DOCK10: variants seen among roughly 807,000 people sequenced by gnomAD.
DOCK10 encodes dedicator of cytokinesis protein 10.
In DOCK10, 145 loss-of-function variants were observed where a neutral mutation model predicts 280.1. The ratio of observed to expected loss-of-function variants is 0.52; its 90% CI spans 0.45 to 0.59. The LOEUF is 0.59. Ranked by LOEUF, DOCK10 falls within the 20% of genes least tolerant of loss-of-function variation. DOCK10 has a pLI of 0.00. For missense variants in DOCK10, 2,368 were observed against 2,651.7 expected, an observed-to-expected ratio of 0.89 and a Z score of 2.35; for synonymous variants, 915 against 942.2, an observed-to-expected ratio of 0.97 and a Z score of 0.53.
intron 4 of DOCK10, chr2:224,893,362 G>T (rs1699814748): frequency 6.0e-6 from 1 of 165,746 alleles, no homozygotes; most frequent in East Asian, 1.9e-4. Context: ...GCCCAGCTAA[G>T]CTGGTCACAC....
chr2:224,858,020 A>T (rs1697258335), intron 14 of DOCK10, among the ~76,000 whole-genome samples: 1 of 152,174 alleles, frequency 6.6e-6, no homozygotes. Flanking sequence ...GGAAGGTAAA[A>T]AGGCAAATAA....
chr2:225,026,230 T>C (rs767501104), intron 1 of DOCK10, among the ~76,000 whole-genome samples: 22 of 152,086 alleles, frequency 1.4e-4, no homozygotes, highest in Non-Finnish European at 2.9e-4. Context: ...GCCAGAAAGG[T>C]AGGCTGAAAC....
chr2:224,922,119 C>CAAAAA (rs35964702), intron 2 of DOCK10, among the ~76,000 whole-genome samples: 6 of 51,578 alleles, frequency 1.2e-4, no homozygotes, highest in Admixed American at 2.4e-4. Context: ...AACTCCATCT[C>CAAAAA]AAAAAAAAAA....
rs188953089 is a variant in DOCK10 at position 225,003,609 on chromosome 2, C to T, written c.123+38643G>A. On this transcript the variant is annotated intron_variant, in intron 1 of 55. Transcript: ENST00000258390. ...AAGGCAAATCTAAAACACAGACATACGCTTCACTTCTTTTAGTTTCAAATT... is the reference window on the plus strand; with the variant it reads ...AAGGCAAATCTAAAACACAGACATATGCTTCACTTCTTTTAGTTTCAAATT... Among the ~76,000 whole-genome samples, 230 of 152,294 alleles carry T rather than the reference C, an allele frequency of 1.5e-3. 1 individual carries two copies. Among genetic ancestry groups the T allele is most frequent in the African/African-American group, 4.8e-3 (201 of 41,556 alleles).
chr2:224,769,682 C>T lies in DOCK10; in HGVS notation c.6444+529G>A, dbSNP rs75245848. Among the ~76,000 whole-genome samples the T allele has an allele frequency of 8.8e-3, 1,334 of 152,264 alleles. 17 individuals are homozygous for T. The highest frequency in any genetic ancestry group is 0.027 in the African/African-American group (1,142 of 41,552). On this transcript the variant is annotated intron_variant, in intron 55 of 55. Transcript: ENST00000258390. The stretch of plus-strand genomic sequence containing the variant: ...CATGCTGTACACATCCCAGACGTCA[C>T]GGATGACTTGCTTGTGGGGTGGGTG...
intron 7 of DOCK10, among the ~76,000 whole-genome samples, chr2:224,884,121 A>T (rs1189738248): frequency 6.6e-6 from 1 of 152,230 alleles, no homozygotes; most frequent in Non-Finnish European, 1.5e-5. Flanking sequence ...GAAAGCTGGC[A>T]TCTGTGTTAA....
chr2:224,845,256 C>G lies in DOCK10; in HGVS notation c.2428G>C (p.Ala810Pro). ...IASQEYNIPIATSLPPNYLSF... is the reference protein window; with the variant it reads ...IASQEYNIPIPTSLPPNYLSF... ...AAATAATTAGGAGGCAGACTTGTTG[C>G]TATTGGGATGTTGTACTCTTGAGAA... The change falls in exon 21 of 56, where the codon GCA becomes CCA. Residue 810 changes from alanine (A) to proline (P), a missense_variant. Coordinates refer to ENST00000258390, the MANE Select transcript of DOCK10 (RefSeq NM_014689.3). 6.3e-7 allele frequency: 1 copy of G among 1,587,044 alleles called. No individual in the cohort carries two copies. The highest frequency in any genetic ancestry group is 1.1e-5 in the South Asian group (1 of 87,122).
intron 2 of DOCK10, among the ~76,000 whole-genome samples, chr2:224,922,103 G>A (rs1406103771): frequency 2.7e-5 from 3 of 112,802 alleles, no homozygotes; most frequent in South Asian, 3.1e-4. Context: ...CGGGCAGCAA[G>A]AGCAAAACTC....
chr2:224,968,187 T>C (rs529856789), intron 1 of DOCK10, among the ~76,000 whole-genome samples: 3 of 152,322 alleles, frequency 2.0e-5, no homozygotes, highest in East Asian at 3.9e-4. Context: ...GAAACAAACA[T>C]GGCAAGGAGA....
intron 27 of DOCK10, among the ~76,000 whole-genome samples, chr2:224,824,564 G>A (rs1694723804): frequency 6.8e-6 from 1 of 147,970 alleles, no homozygotes; most frequent in Non-Finnish European, 1.5e-5. Context: ...AGCCTCCCAA[G>A]TGGCTAGGAC....
intron 1 of DOCK10, among the ~76,000 whole-genome samples, chr2:225,017,429 T>A (rs55734033): frequency 7.5e-5 from 11 of 147,248 alleles, no homozygotes; most frequent in South Asian, 2.2e-4. Flanking sequence ...AGACAGAGAT[T>A]GAGAGAGAGA....
intron 1 of DOCK10, among the ~76,000 whole-genome samples, chr2:224,986,868 A>C (rs1705988725): frequency 6.6e-6 from 1 of 152,110 alleles, no homozygotes; most frequent in African/African-American, 2.4e-5. Context: ...GCCTGGGAAA[A>C]CCATATTCTA....
chr2:224,882,119 A>AT (rs1472253863), intron 7 of DOCK10, among the ~76,000 whole-genome samples: 1 of 152,222 alleles, frequency 6.6e-6, no homozygotes, highest in East Asian at 1.9e-4. Context: ...CATTGCTGAG[A>AT]TAGGGACCTA....
chr2:224,830,620 G>A lies in DOCK10; in HGVS notation c.2965-8C>T, dbSNP rs200129332. The A allele has an allele frequency of 9.2e-6, 13 of 1,413,792 alleles. No individual in the cohort carries two copies. The highest frequency in any genetic ancestry group is 5.9e-5 in the South Asian group (4 of 67,814). 87.6% of individuals were successfully genotyped at this position (1,413,792 alleles called of 1,614,324 possible). On this transcript the variant is annotated splice_region_variant and splice_polypyrimidine_tract_variant and intron_variant, in intron 26 of 55. Transcript: ENST00000258390. Reference sequence around the variant, plus strand: ...AAAGAAGAACCAGGAATGCTGTTGGGAAAAAAAAGGCAACGAGACATTTAT... The same window carrying A: ...AAAGAAGAACCAGGAATGCTGTTGGAAAAAAAAAGGCAACGAGACATTTAT...
At chr2:224,941,432 A>G (rs1703065819) in intron 1 of DOCK10, among the ~76,000 whole-genome samples, 2 of 152,114 alleles carry the variant, frequency 1.3e-5, no homozygotes, top group African/African-American at 2.4e-5. Flanking sequence ...TTGGCATACT[A>G]TTTCTGCTCC....
At chr2:224,816,891 G>A (rs906906066) in intron 29 of DOCK10, among the ~76,000 whole-genome samples, 178 bp from the exon 30 acceptor site, 1 of 152,178 alleles carries the variant, frequency 6.6e-6, no homozygotes, top group African/African-American at 2.4e-5. Context: ...CTGCAGTTAA[G>A]CTCCCTACTT....
intron 1 of DOCK10, among the ~76,000 whole-genome samples, chr2:225,026,614 G>A (rs1189082519): frequency 2.0e-5 from 3 of 152,122 alleles, no homozygotes; most frequent in African/African-American, 7.2e-5. Flanking sequence ...TACAACTCAG[G>A]AAATAAGAAA....
At chr2:224,779,963 G>A (rs1411544031) in intron 50 of DOCK10, among the ~76,000 whole-genome samples, 1 of 152,132 alleles carries the variant, frequency 6.6e-6, no homozygotes, top group Admixed American at 6.5e-5. Context: ...TTAGCACAAT[G>A]CCTGGTCTTT....
At chr2:224,835,986 C>T (rs1006298502) in intron 25 of DOCK10, among the ~76,000 whole-genome samples, 3 of 152,132 alleles carry the variant, frequency 2.0e-5, no homozygotes, top group Non-Finnish European at 4.4e-5. Context: ...GGAGCGTCAC[C>T]GGTAGAAAGT....
Sources: gnomAD v4.1 joint callset for allele counts (sites outside exome capture counted in the v4.1 genomes callset) on GRCh38, gnomAD v4.1.1 for gene constraint, MANE v1.5 for transcripts, NCBI Gene and HGNC (gene_info 2026-07-23, HGNC 2026-07-21) for gene names.